HHATL: variants seen among roughly 807,000 people sequenced by gnomAD.
HHATL encodes the protein protein-cysteine N-palmitoyltransferase HHAT-like protein.
Under a neutral mutation model 59.7 loss-of-function variants are expected in HHATL, and 49 were observed. The observed-to-expected ratio is 0.82, with a 90% CI of 0.65 to 1.04. The LOEUF (loss-of-function observed/expected upper bound fraction) is 1.04. Among genes scored for constraint, HHATL ranks in the 50% least tolerant of loss-of-function variants. The pLI is 0.00. For missense variants in HHATL, 605 were observed against 650.8 expected, an observed-to-expected ratio of 0.93 and a Z score of 0.77; for synonymous variants, 238 against 257.3, an observed-to-expected ratio of 0.93 and a Z score of 0.72.
chr3:42,694,781 A>G (rs1363728997), intron 9 of HHATL, among the ~76,000 whole-genome samples: 2 of 152,142 alleles, frequency 1.3e-5, no homozygotes, highest in Non-Finnish European at 2.9e-5. Flanking sequence ...CTCAATTCAA[A>G]TATCATCTCC....
At chr3:42,693,273 C>T in intron 10 of HHATL, 55 bp from the exon 11 acceptor site, 6 of 1,597,362 alleles carry the variant, frequency 3.8e-6, no homozygotes, top group Non-Finnish European at 5.1e-6. Flanking sequence ...GGAAAGAGGA[C>T]ATGGTGGGTC....
chr3:42,697,441 T>TG, intron 7 of HHATL, 67 bp downstream of exon 7: 7 of 1,529,628 alleles, frequency 4.6e-6, no homozygotes, highest in Non-Finnish European at 4.5e-6. Context: ...TGTGGCACCG[T>TG]GGGGGTGCAG....
rs953764969 is a variant in HHATL at position 42,702,667 on chromosome 3, G to C, written c.-102C>G. On this transcript the variant is annotated 5_prime_UTR_variant, in exon 1 of 12. Transcript: ENST00000441594. ...ACTGTCCGTCCGTGCGACCGGCTGAGCTCTGGGGCCACGGTGGGGTGTGTC... is the reference window on the plus strand; with the variant it reads ...ACTGTCCGTCCGTGCGACCGGCTGACCTCTGGGGCCACGGTGGGGTGTGTC... 2.0e-5 allele frequency: 3 copies of C among 152,738 alleles called. No individual in the cohort carries two copies. The highest frequency in any genetic ancestry group is 2.0e-4 in the Admixed American group (3 of 15,294). The allele number at this position is 152,738 out of a possible 1,614,324, so 9.5% of individuals were successfully genotyped here. A position where few individuals can be genotyped will look rare whatever the true frequency, so the allele number is the denominator to read the frequency against.
At chr3:42,700,444 CTGTGTGTG>C (rs33966867) in intron 2 of HHATL, among the ~76,000 whole-genome samples, 1 of 146,394 alleles carries the variant, frequency 6.8e-6, no homozygotes, top group Non-Finnish European at 1.5e-5. Flanking sequence ...GTCCAGGCCT[CTGTGTGTG>C]TGTGTGTGTG....
intron 9 of HHATL, among the ~76,000 whole-genome samples, chr3:42,695,353 C>T (rs1697559922): frequency 6.6e-6 from 1 of 152,220 alleles, no homozygotes; most frequent in Non-Finnish European, 1.5e-5. Context: ...ACCCTTATTC[C>T]TGACTTCTTC....
intron 11 of HHATL, 71 bp from the exon 12 acceptor site, chr3:42,692,946 C>T (rs1697415537): frequency 5.0e-6 from 8 of 1,585,710 alleles, no homozygotes; most frequent in South Asian, 2.2e-5. Flanking sequence ...CTTCCCACCC[C>T]TCTCCCCGCT....
In HHATL at chr3:42,700,833, G is replaced by T; in HGVS notation, c.-7C>A. On this transcript the variant is annotated 5_prime_UTR_variant, in exon 2 of 12. Transcript: ENST00000441594. The stretch of plus-strand genomic sequence containing the variant: ...ATGCTGTCTTGATGCCCATAGCCTG[G>T]ACAGGGCTGGGGAGACAGGTTGGGT... 6.2e-7 allele frequency: 1 copy of T among 1,608,346 alleles called. No individual in the cohort carries two copies. The highest frequency in any genetic ancestry group is 8.5e-7 in the Non-Finnish European group (1 of 1,175,030).
chr3:42,696,881 T>G lies in HHATL; in HGVS notation c.1011-4A>C. ...GTTGATGCCACGGTCAAAGTGCCTG[T>G]AAGAGGAAAGCAGATGGGCATGTTG... is the stretch of plus-strand genomic sequence containing the variant. On this transcript the variant is annotated splice_polypyrimidine_tract_variant and splice_region_variant and intron_variant, in intron 8 of 11. Transcript: ENST00000441594. 2 of 1,613,948 alleles carry G rather than the reference T, an allele frequency of 1.2e-6. No homozygotes were observed. The highest frequency in any genetic ancestry group is 1.7e-6 in the Non-Finnish European group (2 of 1,179,894).
chr3:42,695,837 C>T (rs1284292509), intron 9 of HHATL, among the ~76,000 whole-genome samples: 1 of 152,180 alleles, frequency 6.6e-6, no homozygotes, highest in African/African-American at 2.4e-5. Context: ...CCCTCACCTC[C>T]TTCCTCTTCA....
At chr3:42,693,305 A>G in intron 10 of HHATL, 87 bp from the exon 11 acceptor site, 1 of 1,533,432 alleles carries the variant, frequency 6.5e-7, no homozygotes, top group Non-Finnish European at 8.9e-7. Flanking sequence ...CCACCTGGCC[A>G]GTCAGGTCTT....
chr3:42,701,971 C>T lies in HHATL; in HGVS notation c.-14+608G>A, dbSNP rs1316534861. On this transcript the variant is annotated intron_variant, in intron 1 of 11. Coordinates refer to ENST00000441594, the MANE Select transcript of HHATL (RefSeq NM_020707.4). This position sits in a 1 kb window ranked among gnomAD's most constrained non-coding sequence, Gnocchi z 5.1. The stretch of plus-strand genomic sequence containing the variant: ...GCCCCCCAGCAGCCGACGGTCTCCT[C>T]GTACAGATGGAGGGGTCATGGGCCA... Among the ~76,000 whole-genome samples, 1 of 152,212 alleles carries T rather than the reference C, an allele frequency of 6.6e-6. No homozygotes were observed. Among genetic ancestry groups the T allele is most frequent in the Non-Finnish European group, 1.5e-5 (1 of 68,040 alleles).
Position 42,701,158 on chromosome 3 carries a change from T to G in HHATL, c.-13-319A>C, listed in dbSNP as rs1697964731. ...TTCCAGAGGCACCGGCCCCACCCTC[T>G]GCCAAAACCGCTCCTGCCAAGGCCC... On this transcript the variant is annotated intron_variant, in intron 1 of 11. Coordinates refer to ENST00000441594, the MANE Select transcript of HHATL (RefSeq NM_020707.4). The surrounding 1 kb of genome is among the most constrained non-coding windows in gnomAD (Gnocchi z 5.1). 3 of 301,694 alleles carry G rather than the reference T, an allele frequency of 9.9e-6. No individual in the cohort carries two copies. The highest frequency in any genetic ancestry group is 1.9e-5 in the Non-Finnish European group (3 of 158,618). The allele number at this position is 301,694 out of a possible 1,614,324, so 18.7% of individuals were successfully genotyped here.
chr3:42,694,766 C>T (rs2125849944), intron 9 of HHATL, among the ~76,000 whole-genome samples: 1 of 152,306 alleles, frequency 6.6e-6, no homozygotes, highest in Middle Eastern at 3.4e-3. Context: ...CCTTATCACT[C>T]AAATCTCAAT....
At chr3:42,697,739 A>T in intron 6 of HHATL, 60 bp from the exon 7 acceptor site, 1 of 1,543,170 alleles carries the variant, frequency 6.5e-7, no homozygotes, top group Non-Finnish European at 8.8e-7. Flanking sequence ...GCCCTGTCTG[A>T]GGGGGGCTCA....
chr3:42,696,892 C>A lies in HHATL; in HGVS notation c.1011-15G>T, dbSNP rs1158831835. 1.2e-6 allele frequency: 2 copies of A among 1,614,178 alleles called. No homozygotes were observed. Among genetic ancestry groups the A allele is most frequent in the Admixed American group, 1.7e-5 (1 of 60,022 alleles). On this transcript the variant is annotated splice_polypyrimidine_tract_variant and intron_variant, in intron 8 of 11. Coordinates refer to ENST00000441594, the MANE Select transcript of HHATL (RefSeq NM_020707.4). Reference sequence around the variant, plus strand: ...GGTCAAAGTGCCTGTAAGAGGAAAGCAGATGGGCATGTTGCCATCAGGCGC... The same window carrying A: ...GGTCAAAGTGCCTGTAAGAGGAAAGAAGATGGGCATGTTGCCATCAGGCGC...
chr3:42,697,223 C>G (rs187183993), intron 7 of HHATL, 78 bp from the exon 8 acceptor site: 1 of 1,479,058 alleles, frequency 6.8e-7, no homozygotes, highest in Non-Finnish European at 9.0e-7. Flanking sequence ...CCCACCACTT[C>G]CTTGGGGAGA....
rs1013013587 is a variant in HHATL, at chr3:42,702,642, ACTGT to A, written c.-81_-78del. On this transcript the variant is annotated 5_prime_UTR_variant, in exon 1 of 12. Coordinates refer to ENST00000441594, the MANE Select transcript of HHATL (RefSeq NM_020707.4). ...CTCAGGCTCTGGGGTCCGGCTTCCAACTGTCCGTCCGTGCGACCGGCTGAGCTCT... is the reference window on the plus strand; with the variant it reads ...CTCAGGCTCTGGGGTCCGGCTTCCAACCGTCCGTGCGACCGGCTGAGCTCT... The A allele has an allele frequency of 3.3e-5, 5 of 152,710 alleles. No individual in the cohort carries two copies. The highest frequency in any genetic ancestry group is 1.2e-4 in the African/African-American group (5 of 41,550). The allele number at this position is 152,710 out of a possible 1,614,324, so 9.5% of individuals were successfully genotyped here.
At chr3:42,697,741 G>A in intron 6 of HHATL, 62 bp from the exon 7 acceptor site, 3 of 1,539,394 alleles carry the variant, frequency 1.9e-6, no homozygotes, top group Non-Finnish European at 2.7e-6. Flanking sequence ...CCTGTCTGAG[G>A]GGGGCTCACC....
chr3:42,697,763 G>T, intron 6 of HHATL, 84 bp from the exon 7 acceptor site: 1 of 1,393,682 alleles, frequency 7.2e-7, no homozygotes, highest in Non-Finnish European at 9.8e-7. Context: ...ACTACTTGGG[G>T]CAGGAGGAGC....
Sources: allele counts gnomAD v4.1 joint callset (sites outside exome capture counted in the v4.1 genomes callset), GRCh38; gene constraint gnomAD v4.1.1; non-coding constraint Gnocchi (gnomAD v3.1); transcripts MANE v1.5; gene names NCBI Gene and HGNC (gene_info 2026-07-23, HGNC 2026-07-21).